Variants in RYR1 observed in about 807,000 individuals in gnomAD.
RYR1 encodes ryanodine receptor 1.
A neutral mutation model predicts 583.5 loss-of-function variants in RYR1; 342 were observed. That is an observed-to-expected ratio of 0.59 (90% CI 0.54 to 0.64). The LOEUF (loss-of-function observed/expected upper bound fraction) is 0.64. RYR1 is among the 30% of genes least tolerant of loss of function. The pLI, the probability that RYR1 is intolerant of heterozygous loss-of-function variation, is 0.00. For synonymous variants in RYR1, 2,791 were observed against 2,822.5 expected (o/e 0.99, Z 0.35); for missense variants, 6,032 against 6,917.2 (o/e 0.87, Z 4.54).
intron 12 of RYR1, among the ~76,000 whole-genome samples, chr19:38,452,221 G>T (rs1471554619): frequency 6.6e-6 from 1 of 150,982 alleles, no homozygotes; most frequent in African/African-American, 2.4e-5. Flanking sequence ...CAGATCGCTT[G>T]AGCCCAGGAG....
At chr19:38,550,999 T>C (rs1439482320) in intron 89 of RYR1, among the ~76,000 whole-genome samples, 2 of 148,774 alleles carry the variant, frequency 1.3e-5, no homozygotes, top group African/African-American at 4.9e-5. Flanking sequence ...ATTCATCCAT[T>C]CATTTATATC....
intron 84 of RYR1, among the ~76,000 whole-genome samples, chr19:38,542,580 A>T (rs190390563): frequency 3.4e-4 from 52 of 152,188 alleles, no homozygotes; most frequent in Admixed American, 3.3e-3. Context: ...GTGCAGTGGC[A>T]TGATCTAGGC....
chr19:38,502,642 CATACCGTG>C lies in RYR1; in HGVS notation c.7751_7758del (p.His2584LeufsTer15). ...CGCCATCATGGTGGACTCTATGCTG[CATACCGTG>C]TACCGCCTGTCTCGGGGTCGTTCGC... is the stretch of plus-strand genomic sequence containing the variant. On this transcript the variant is annotated frameshift_variant, in exon 48 of 106. Transcript: ENST00000359596. LOFTEE classifies it high-confidence loss of function. 6.2e-7 allele frequency: 1 copy of C among 1,613,056 alleles called. No homozygotes were observed. The highest frequency in any genetic ancestry group is 8.5e-7 in the Non-Finnish European group (1 of 1,179,910).
At position 38,570,621 on chromosome 19, in the gene RYR1, G is replaced by T. The variant is rs1348191171; in HGVS notation, c.13674G>T (p.Arg4558=). 2 of 1,613,980 alleles carry T rather than the reference G, an allele frequency of 1.2e-6. No homozygotes were observed. Among genetic ancestry groups the T allele is most frequent in the Non-Finnish European group, 1.7e-6 (2 of 1,179,922 alleles). ...TTCTCTCTCAGAACTACCTGTCCCG[G>T]AACTTTTACACCCTGCGGTTCCTTG... ...QRVKFLNYLS[R]NFYTLRFLAL... The change falls in exon 94 of 106, where the codon CGG becomes CGT. Residue 4558 remains arginine (R), a synonymous_variant. Transcript: ENST00000359596.
intron 67 of RYR1, 91 bp downstream of exon 67, chr19:38,519,545 A>G (rs973539077): frequency 2.1e-6 from 3 of 1,434,884 alleles, no homozygotes; most frequent in African/African-American, 2.8e-5. Flanking sequence ...CTGGCTAGAA[A>G]CTTCTTCCAA....
chr19:38,570,823 G>T, intron 94 of RYR1, 130 bp downstream of exon 94: 1 of 792,118 alleles, frequency 1.3e-6, no homozygotes, highest in Non-Finnish European at 2.2e-6. Context: ...TCGTTAGGAG[G>T]GTTCAGGCTG....
At position 38,449,757 on chromosome 19, in the gene RYR1, C is replaced by T. The variant is rs143007874; in HGVS notation, c.1122+944C>T. On this transcript the variant is annotated intron_variant, in intron 11 of 105. Coordinates refer to ENST00000359596, the MANE Select transcript of RYR1 (RefSeq NM_000540.3). ...GGTCCTGAGGTTAACATGAGCTTGG[C>T]TTGTTGCAGTAGCAGAAAGAAGCCA... 5.9e-5 allele frequency among the ~76,000 whole-genome samples: 9 copies of T among 152,268 alleles called. 1 individual carries two copies. In the East Asian group the frequency reaches 1.7e-3, roughly 29 times the overall value.
chr19:38,505,107 A>G lies in RYR1; in HGVS notation c.8310+26A>G, dbSNP rs1201433551. The G allele has an allele frequency of 1.9e-6, 3 of 1,604,974 alleles. No homozygotes were observed. In the South Asian group the frequency reaches 3.3e-5, roughly 18 times the overall value. ...GTTGGCCTCAGGGTCCTCCTATCCA[A>G]GAAACCCTCAAGACCCCAGCTTTCC... On this transcript the variant is annotated intron_variant, in intron 52 of 105. Coordinates refer to ENST00000359596, the MANE Select transcript of RYR1 (RefSeq NM_000540.3).
At chr19:38,530,000 G>A (rs1245804732) in intron 76 of RYR1, among the ~76,000 whole-genome samples, 3 of 152,090 alleles carry the variant, frequency 2.0e-5, no homozygotes, top group Non-Finnish European at 4.4e-5. Context: ...TTATTTTTGA[G>A]ATGGAGTCTC....
intron 90 of RYR1, 96 bp from the exon 91 acceptor site, chr19:38,564,863 C>T: frequency 7.9e-6 from 12 of 1,523,816 alleles, no homozygotes; most frequent in Non-Finnish European, 1.1e-5. Context: ...AGAACAGCGC[C>T]TGCCGCGGTG....
chr19:38,579,922 C>T, intron 99 of RYR1, 60 bp from the exon 100 acceptor site: 3 of 1,612,166 alleles, frequency 1.9e-6, no homozygotes, highest in Non-Finnish European at 1.7e-6. Flanking sequence ...CCCCTACCCT[C>T]CAGAGTGCTC....
chr19:38,468,947 T>C lies in RYR1; in HGVS notation c.3382-19T>C. 2 of 1,613,938 alleles carry C rather than the reference T, an allele frequency of 1.2e-6. No individual in the cohort carries two copies. The highest frequency in any genetic ancestry group is 1.7e-6 in the Non-Finnish European group (2 of 1,179,910). On this transcript the variant is annotated intron_variant, in intron 25 of 105. Transcript: ENST00000359596. ...CTGTGTGTCTCCCCACACCATGTCTTCTCTGGCTGTCCTCACAGGGCCAGC... is the reference window on the plus strand; with the variant it reads ...CTGTGTGTCTCCCCACACCATGTCTCCTCTGGCTGTCCTCACAGGGCCAGC...
chr19:38,496,861 C>T lies in RYR1; in HGVS notation c.6798C>T (p.Gly2266=), dbSNP rs759676764. Residue 2266 remains glycine (G), a splice_region_variant and synonymous_variant, in exon 42 of 106, where the codon GGC becomes GGT. Transcript: ENST00000359596. The surrounding 1 kb of genome is among the most constrained non-coding windows in gnomAD (Gnocchi z 4.8). The part of the protein sequence containing the change: ...YLLENSGIGL[G]MQGSTPLDVA... ...TCTCCCCACCTCTCGCCCCTGCAGG[C>T]ATGCAGGGCTCCACGCCCCTGGACG... The T allele has an allele frequency of 5.0e-6, 8 of 1,613,202 alleles. No homozygotes were observed. The Admixed American group carries it at 6.7e-5, about 13-fold the overall frequency.
intron 13 of RYR1, among the ~76,000 whole-genome samples, chr19:38,454,132 G>A (rs373819271): frequency 6.6e-6 from 1 of 152,118 alleles, no homozygotes; most frequent in Non-Finnish European, 1.5e-5. Context: ...CACCTCCCAG[G>A]TTCAAATGAT....
intron 76 of RYR1, among the ~76,000 whole-genome samples, chr19:38,530,661 T>C (rs1415561220): frequency 2.0e-5 from 3 of 152,156 alleles, no homozygotes; most frequent in African/African-American, 7.2e-5. Flanking sequence ...GCCCAGGGTC[T>C]TTCTAGCTTT....
chr19:38,537,705 G>A (rs1264205708), intron 83 of RYR1, among the ~76,000 whole-genome samples, 175 bp from the exon 84 acceptor site: 1 of 152,198 alleles, frequency 6.6e-6, no homozygotes, highest in Non-Finnish European at 1.5e-5. Context: ...GGTCAAGACC[G>A]CCTGGCGTCA....
At chr19:38,521,639 G>C (rs997412333) in intron 67 of RYR1, among the ~76,000 whole-genome samples, 16 of 148,668 alleles carry the variant, frequency 1.1e-4, no homozygotes, top group Non-Finnish European at 3.0e-5. Flanking sequence ...AGAAGTTGCA[G>C]TGAGCTGAGA....
At chr19:38,467,547 T>G in intron 24 of RYR1, 63 bp from the exon 25 acceptor site, 1 of 1,567,918 alleles carries the variant, frequency 6.4e-7, no homozygotes, top group East Asian at 2.2e-5. Context: ...TCTACCAACT[T>G]CTCGATGTCT....
At position 38,466,699 on chromosome 19, in the gene RYR1, C is replaced by G. The variant is rs1022271307; in HGVS notation, c.3178+301C>G. On this transcript the variant is annotated intron_variant, in intron 24 of 105. Coordinates refer to ENST00000359596, the MANE Select transcript of RYR1 (RefSeq NM_000540.3). ...TGTATTTTTAGTAGAGACAGGATTTCACCGTTTTAGCCAGGATGGTCTCGA... is the reference window on the plus strand; with the variant it reads ...TGTATTTTTAGTAGAGACAGGATTTGACCGTTTTAGCCAGGATGGTCTCGA... Among the ~76,000 whole-genome samples the G allele has an allele frequency of 2.0e-5, 3 of 152,134 alleles. 1 individual carries two copies. The South Asian group carries it at 6.2e-4, about 32-fold the overall frequency.
Sources: allele counts gnomAD v4.1 joint callset (sites outside exome capture counted in the v4.1 genomes callset), GRCh38; gene constraint gnomAD v4.1.1; non-coding constraint Gnocchi (gnomAD v3.1); transcripts MANE v1.5; gene names NCBI Gene and HGNC (gene_info 2026-07-23, HGNC 2026-07-21).